UGT1A4: variants seen among roughly 807,000 people sequenced by gnomAD.
The protein encoded by UGT1A4 is UDP glucuronosyltransferase family 1 member A4, also known as UDP-glucuronosyltransferase 1A4.
A neutral mutation model predicts 41.1 loss-of-function variants in UGT1A4; 32 were observed. That is an observed-to-expected ratio of 0.78 (90% CI 0.59 to 1.05). The LOEUF (loss-of-function observed/expected upper bound fraction) is 1.05, where lower values mean the gene tolerates loss of function less well. Among genes scored for constraint, UGT1A4 ranks in the 50% least tolerant of loss-of-function variants. UGT1A4 has a pLI of 0.00. For synonymous variants in UGT1A4, 283 were observed against 265.1 expected (o/e 1.07, Z -0.66); for missense variants, 748 against 677.4 (o/e 1.10, Z -1.16).
chr2:233,760,282 G>A (rs2125981806), intron 1 of UGT1A4: 1 of 1,612,868 alleles, frequency 6.2e-7, no homozygotes, highest in Non-Finnish European at 8.5e-7. Flanking sequence ...CAGGAGCAAA[G>A]GCGCCATGGC....
In UGT1A4 at chr2:233,772,448, C is replaced by T. The variant is rs199539868; in HGVS notation, c.1494C>T (p.Ala498=). The change falls in exon 5 of 5, where the codon GCC becomes GCT. Residue 498 remains alanine (A), a synonymous_variant. Transcript: ENST00000373409. ...HSLDVIGFLL[A]VVLTVAFITF... The stretch of plus-strand genomic sequence containing the variant: ...TGGACGTGATTGGTTTCCTCTTGGC[C>T]GTCGTGCTGACAGTGGCCTTCATCA... 42 of 1,614,180 alleles carry T rather than the reference C, an allele frequency of 2.6e-5. No homozygotes were observed. In the East Asian group the frequency reaches 7.4e-4, roughly 28 times the overall value.
At chr2:233,772,163 T>C in intron 4 of UGT1A4, 99 bp from the exon 5 acceptor site, 2 of 1,568,298 alleles carry the variant, frequency 1.3e-6, no homozygotes, top group South Asian at 1.2e-5. Context: ...TTCCCAAGTT[T>C]GGAAAATCTG....
intron 1 of UGT1A4, chr2:233,730,108 C>T (rs1261016305): frequency 1.3e-6 from 2 of 1,570,456 alleles, no homozygotes; most frequent in Non-Finnish European, 1.7e-6. Flanking sequence ...TTCATTTCTG[C>T]TTCTCCTTGT....
At chr2:233,762,750 TA>T (rs777496065) in intron 1 of UGT1A4, among the ~76,000 whole-genome samples, 22 of 152,278 alleles carry the variant, frequency 1.4e-4, no homozygotes, top group East Asian at 1.9e-4. Flanking sequence ...GTGAATGTGT[TA>T]TTTTTTTGCA....
Position 233,767,734 on chromosome 2 carries a change from ACT to A in UGT1A4, c.1000-112_1000-111del, listed in dbSNP as rs1191822668. On this transcript the variant is annotated intron_variant, in intron 2 of 4. Coordinates refer to ENST00000373409, the MANE Select transcript of UGT1A4 (RefSeq NM_007120.3). Reference sequence around the variant, plus strand: ...AGCCTTCACAGTTACTGATCCTCCCACTCTGTTAAAGACTGTTCCTTCAGAGG... The same window carrying A: ...AGCCTTCACAGTTACTGATCCTCCCACTGTTAAAGACTGTTCCTTCAGAGG... 4 of 1,567,824 alleles carry A rather than the reference ACT, an allele frequency of 2.6e-6. No homozygotes were observed. The Admixed American group carries it at 7.4e-5, about 29-fold the overall frequency.
At chr2:233,725,435 A>G (rs1455918541) in intron 1 of UGT1A4, among the ~76,000 whole-genome samples, 2 of 151,954 alleles carry the variant, frequency 1.3e-5, no homozygotes, top group Non-Finnish European at 2.9e-5. Context: ...AATATAATGT[A>G]AGCCACATAC....
Position 233,768,588 on chromosome 2 carries a change from T to TTC in UGT1A4, c.1307+150_1307+151insCT. 11 of 996,616 alleles carry TTC rather than the reference T, an allele frequency of 1.1e-5. No individual in the cohort carries two copies. In the East Asian group the frequency reaches 2.1e-4, roughly 19 times the overall value. The allele number at this position is 996,616 out of a possible 1,614,324, so 61.7% of individuals were successfully genotyped here. A position where few individuals can be genotyped will look rare whatever the true frequency, so the allele number is the denominator to read the frequency against. On this transcript the variant is annotated intron_variant, in intron 4 of 4. Transcript: ENST00000373409. ...ATCTGGATTTTTATTTCTTCTTTTT[T>TTC]TTTTTTTTTTTTTTTTGAGATGGAG...
intron 1 of UGT1A4, among the ~76,000 whole-genome samples, chr2:233,728,063 G>A (rs1347092156): frequency 6.6e-6 from 1 of 152,218 alleles, no homozygotes; most frequent in African/African-American, 2.4e-5. Flanking sequence ...TGAGGCCCTT[G>A]TGAGTGCTCA....
chr2:233,768,568 G>A, intron 4 of UGT1A4, 129 bp downstream of exon 4: 1 of 1,402,764 alleles, frequency 7.1e-7, no homozygotes, highest in Non-Finnish European at 9.3e-7. Context: ...TAAAAATCTG[G>A]ATTTTTATTT....
At chr2:233,754,319 C>A in intron 1 of UGT1A4, 1 of 236,458 alleles carries the variant, frequency 4.2e-6, no homozygotes, top group Non-Finnish European at 8.4e-6. Flanking sequence ...CATTGTCTGC[C>A]TCAGGCTTAA....
rs1288789107 is a variant in UGT1A4 at position 233,724,474 on chromosome 2, CTT to C, written c.867+4788_867+4789del. Among the ~76,000 whole-genome samples the C allele has an allele frequency of 8.4e-4, 66 of 78,806 alleles. 2 individuals carry two copies. The highest frequency in any genetic ancestry group is 3.0e-3 in the African/African-American group (63 of 21,154). 51.7% of individuals were successfully genotyped at this position (78,806 alleles called of 152,430 possible). A position where few individuals can be genotyped will look rare whatever the true frequency, so the allele number is the denominator to read the frequency against. On this transcript the variant is annotated intron_variant, in intron 1 of 4. Transcript: ENST00000373409. ...AGCTGCCGGGCGGAGGGGCTCCTCA[CTT>C]CTCAGACGGGGCGGCCGGGCAGAGA...
At chr2:233,725,264 GGAGGCAGAGGCAGAGGCA>G (rs551912265) in intron 1 of UGT1A4, among the ~76,000 whole-genome samples, 25,828 of 58,216 alleles carry the variant, frequency 0.44, 8,681 homozygotes, top group East Asian at 0.63. Context: ...CAGAGGCAGA[GGAGGCAGAGGCAGAGGCA>G]GAGGCAGAGG....
intron 1 of UGT1A4, among the ~76,000 whole-genome samples, chr2:233,736,231 C>A (rs570595506): frequency 2.0e-5 from 3 of 152,220 alleles, no homozygotes; most frequent in East Asian, 1.9e-4. Flanking sequence ...TTTTCTCTAA[C>A]CTTGTCTTCT....
chr2:233,743,699 GC>G, intron 1 of UGT1A4: 2 of 1,367,268 alleles, frequency 1.5e-6, no homozygotes, highest in Non-Finnish European at 2.0e-6. Context: ...GCCGCCCTCC[GC>G]CCCCGCCTCG....
At chr2:233,729,341 A>G (rs1330207927) in intron 1 of UGT1A4, 2 of 1,614,238 alleles carry the variant, frequency 1.2e-6, no homozygotes, top group Admixed American at 1.7e-5. Flanking sequence ...ATCAAAGAAG[A>G]GAACTTTTTC....
chr2:233,721,895 C>T lies in UGT1A4; in HGVS notation c.867+2208C>T, dbSNP rs564941516. On this transcript the variant is annotated intron_variant, in intron 1 of 4. Transcript: ENST00000373409. ...CTTGCCAGCCCCTCCATTGCAATAT[C>T]GAAATGGTGCACACTGCTTCCATAA... 5.1e-5 allele frequency: 24 copies of T among 474,852 alleles called. 1 individual carries two copies. Among genetic ancestry groups the T allele is most frequent in the Non-Finnish European group, 8.4e-5 (20 of 237,474 alleles). The allele number at this position is 474,852 out of a possible 1,614,324, so 29.4% of individuals were successfully genotyped here.
At chr2:233,754,596 T>C (rs1463963826) in intron 1 of UGT1A4, 2 of 431,834 alleles carry the variant, frequency 4.6e-6, no homozygotes, top group Non-Finnish European at 9.3e-6. Context: ...TGAAGGACTT[T>C]AACTCAACTC....
intron 1 of UGT1A4, 112 bp from the exon 2 acceptor site, chr2:233,766,922 G>C (rs955173337): frequency 6.4e-7 from 1 of 1,559,654 alleles, no homozygotes; most frequent in Non-Finnish European, 8.6e-7. Flanking sequence ...TCTCAAACAC[G>C]CATGCCTTTA....
intron 1 of UGT1A4, among the ~76,000 whole-genome samples, chr2:233,737,436 G>T (rs969816672): frequency 6.6e-6 from 1 of 152,186 alleles, no homozygotes; most frequent in African/African-American, 2.4e-5. Flanking sequence ...GGGTGGGAGT[G>T]TCCCGTTTTT....
Sources: allele counts gnomAD v4.1 joint callset (sites outside exome capture counted in the v4.1 genomes callset), GRCh38; gene constraint gnomAD v4.1.1; transcripts MANE v1.5; gene names NCBI Gene and HGNC (gene_info 2026-07-23, HGNC 2026-07-21).